The following PHF8 variants were observed in gnomAD, a reference collection of about 807,000 sequenced individuals.
The protein encoded by PHF8 is PHD finger protein 8.
A neutral mutation model predicts 74.4 loss-of-function variants in PHF8; 9 were observed. The ratio of observed to expected loss-of-function variants is 0.12; its 90% CI spans 0.07 to 0.21. The LOEUF is 0.21. PHF8 is among the 10% of genes least tolerant of loss of function. The pLI, the probability that PHF8 is intolerant of heterozygous loss-of-function variation, is 1.00. For missense variants in PHF8, 478 were observed against 816.6 expected (o/e 0.59, Z 5.05); for synonymous variants, 311 against 316.6 (o/e 0.98, Z 0.19).
At chrX:53,961,007 T>A (rs141720325) in intron 19 of PHF8, among the ~76,000 whole-genome samples, 88 of 110,487 alleles carry the variant, frequency 8.0e-4, no homozygotes, top group African/African-American at 2.9e-3. Flanking sequence ...AAAATAAAAT[T>A]TAAAAATAGG....
Position 53,985,134 on chromosome X carries a change from AGAGGTAGCCGGT to A in PHF8, c.2211_2222del (p.Pro738_Ser741del). 4 of 1,208,105 alleles carry A rather than the reference AGAGGTAGCCGGT, an allele frequency of 3.3e-6. No individual in the cohort carries two copies. The highest frequency in any genetic ancestry group is 4.5e-6 in the Non-Finnish European group (4 of 893,035). ...CCCCAGTCCACCAGGCCTGCAGGCT[AGAGGTAGCCGGT>A]GAGGACGATGAGGACTGCAGGTTGG... On this transcript the variant is annotated inframe_deletion, in exon 18 of 22. Transcript: ENST00000338154.
chrX:54,029,977 C>T (rs187446885), intron 2 of PHF8, among the ~76,000 whole-genome samples: 1 of 111,167 alleles, frequency 9.0e-6, no homozygotes, highest in East Asian at 2.8e-4. Context: ...AGCCAGCGGA[C>T]TCTCGGTGCC....
chrX:53,986,769 C>G (rs910313247), intron 16 of PHF8, among the ~76,000 whole-genome samples: 4 of 109,294 alleles, frequency 3.7e-5, no homozygotes, highest in Non-Finnish European at 5.7e-5. Context: ...CCTATCTCTA[C>G]AAAAAAAAAT....
At chrX:54,024,515 T>C (rs1012915959) in intron 2 of PHF8, among the ~76,000 whole-genome samples, 5 of 112,069 alleles carry the variant, frequency 4.5e-5, no homozygotes, top group African/African-American at 9.7e-5. Context: ...GTGCTTTCTC[T>C]ACTCTAAACA....
In PHF8 at chrX:54,036,584, A is replaced by AC. The variant is rs1557114243; in HGVS notation, c.98+6046_98+6047insG. Among the ~76,000 whole-genome samples, 112 of 104,151 alleles carry AC rather than the reference A, an allele frequency of 1.1e-3. 1 individual carries two copies. Among genetic ancestry groups the AC allele is most frequent in the African/African-American group, 3.9e-3 (108 of 27,956 alleles). 90.4% of individuals were successfully genotyped at this position (104,151 alleles called of 115,157 possible). On this transcript the variant is annotated intron_variant, in intron 2 of 21. Coordinates refer to ENST00000338154, the MANE Select transcript of PHF8 (RefSeq NM_015107.3). ...GAGACACTGTCTCAAAAAAAAAAAA[A>AC]AAAAAAAAAAAAAAAACTTTTTTTT...
chrX:53,987,139 G>A lies in PHF8; in HGVS notation c.1934C>T (p.Ala645Val), dbSNP rs782374199. ...RPKFPRKLPR[A>V]KPCSDPNRVR... is the part of the protein sequence containing the mutation. Reference sequence around the variant, plus strand: ...TCGGTTGGGGTCAGAGCAAGGCTTCGCACGGGGCAATTTCCGGGGAAATTC... The same window carrying A: ...TCGGTTGGGGTCAGAGCAAGGCTTCACACGGGGCAATTTCCGGGGAAATTC... The change falls in exon 16 of 22, where the codon GCG becomes GTG. Residue 645 changes from alanine to valine, a missense_variant. Ala to Val is a moderately conservative substitution (Grantham distance 64). This residue lies in a region of PHF8 where 45 missense variants were observed against 94.4 expected (regional missense o/e 0.48). Transcript: ENST00000338154. 3 of 1,196,545 alleles carry A rather than the reference G, an allele frequency of 2.5e-6. No homozygotes were observed. Among genetic ancestry groups the A allele is most frequent in the Non-Finnish European group, 3.4e-6 (3 of 882,055 alleles).
intron 19 of PHF8, among the ~76,000 whole-genome samples, chrX:53,959,135 G>C (rs1046959067): frequency 1.2e-4 from 13 of 111,566 alleles, no homozygotes; most frequent in Non-Finnish European, 2.3e-4. Context: ...TAAAAGACCA[G>C]ATGTCTCTAT....
At chrX:54,031,832 G>A (rs185584452) in intron 2 of PHF8, among the ~76,000 whole-genome samples, 18 of 111,749 alleles carry the variant, frequency 1.6e-4, no homozygotes, top group African/African-American at 4.5e-4. Flanking sequence ...TCAGATTTTA[G>A]GGAATATTAG....
intron 19 of PHF8, among the ~76,000 whole-genome samples, chrX:53,956,594 T>C (rs1603303023): frequency 9.0e-6 from 1 of 111,255 alleles, no homozygotes; most frequent in Admixed American, 9.7e-5. Context: ...AAACAAATGA[T>C]CAACACTTGA....
chrX:54,009,860 A>G (rs2065955502), intron 8 of PHF8, among the ~76,000 whole-genome samples: 1 of 84,313 alleles, frequency 1.2e-5, no homozygotes, highest in African/African-American at 6.3e-5. Context: ...AAAAAAAAAA[A>G]AAAAAAAAAA....
chrX:53,995,917 T>G, intron 11 of PHF8, 135 bp from the exon 12 acceptor site: 1 of 422,849 alleles, frequency 2.4e-6, no homozygotes, highest in Non-Finnish European at 4.1e-6. Context: ...GATATCCACA[T>G]GCAAAAAAAA....
At chrX:53,968,792 C>T (rs1053765042) in intron 18 of PHF8, among the ~76,000 whole-genome samples, 1 of 111,455 alleles carries the variant, frequency 9.0e-6, no homozygotes, top group Non-Finnish European at 1.9e-5. Flanking sequence ...CATCTGTAAT[C>T]CCGGTTACTT....
intron 19 of PHF8, among the ~76,000 whole-genome samples, chrX:53,957,284 C>T (rs966224799): frequency 2.7e-5 from 3 of 109,681 alleles, no homozygotes; most frequent in East Asian, 2.9e-4. Context: ...ACCCAGGAGG[C>T]GGAGGTTGCA....
At chrX:54,036,598 AAAC>A (rs1160127591) in intron 2 of PHF8, among the ~76,000 whole-genome samples, 22 of 104,742 alleles carry the variant, frequency 2.1e-4, no homozygotes, top group African/African-American at 3.2e-4. Context: ...AAAAAAAAAA[AAAC>A]TTTTTTTTTT....
chrX:53,964,773 A>G (rs1557091959), intron 18 of PHF8, among the ~76,000 whole-genome samples: 6 of 108,507 alleles, frequency 5.5e-5, no homozygotes, highest in Non-Finnish European at 1.9e-5. Flanking sequence ...AGGCTGACGC[A>G]GGAGAATCAC....
intron 7 of PHF8, among the ~76,000 whole-genome samples, chrX:54,011,902 A>G (rs1327839503): frequency 3.7e-5 from 4 of 109,239 alleles, no homozygotes; most frequent in Admixed American, 2.0e-4. Flanking sequence ...AAAACCCAGT[A>G]GCACAAATAT....
intron 7 of PHF8, among the ~76,000 whole-genome samples, chrX:54,011,764 G>T (rs782449306): frequency 9.1e-6 from 1 of 109,314 alleles, no homozygotes; most frequent in African/African-American, 3.3e-5. Flanking sequence ...AATCGCCCAA[G>T]GACTTCTGGA....
In PHF8 at chrX:53,993,640, A is replaced by G; in HGVS notation, c.1587T>C (p.Ser529=). The part of the protein sequence containing the change: ...QLSYNLMDTY[S]HQALKTGSFQ... ...AAGAGCCTGTCTTCAGTGCCTGATG[A>G]CTGTATGTGTCCATGAGATTATAGC... Residue 529 remains serine (S), a synonymous_variant, in exon 13 of 22, where the codon AGT becomes AGC. Coordinates refer to ENST00000338154, the MANE Select transcript of PHF8 (RefSeq NM_015107.3). 1 of 1,211,229 alleles carries G rather than the reference A, an allele frequency of 8.3e-7. No individual in the cohort carries two copies. Among genetic ancestry groups the G allele is most frequent in the South Asian group, 1.8e-5 (1 of 57,000 alleles).
At chrX:53,957,701 T>G in intron 19 of PHF8, among the ~76,000 whole-genome samples, 1 of 111,932 alleles carries the variant, frequency 8.9e-6, no homozygotes, top group Non-Finnish European at 1.9e-5. Context: ...CTTGGCCATC[T>G]GACACAATTT....
Sources: gnomAD v4.1 joint callset for allele counts (sites outside exome capture counted in the v4.1 genomes callset) on GRCh38, gnomAD v4.1.1 for gene constraint, gnomAD v4.1.1 regional missense constraint, MANE v1.5 for transcripts, NCBI Gene and HGNC (gene_info 2026-07-23, HGNC 2026-07-21) for gene names.